OCA2: variants seen among roughly 807,000 people sequenced by gnomAD.
OCA2 encodes the protein OCA2 melanosomal transmembrane protein.
A neutral mutation model predicts 100.2 loss-of-function variants in OCA2; 77 were observed. The observed-to-expected ratio is 0.77, with a 90% CI of 0.64 to 0.93. The LOEUF is 0.93. OCA2 is among the 40% of genes least tolerant of loss of function. The pLI, the probability that OCA2 is intolerant of heterozygous loss-of-function variation, is 0.00. For missense variants in OCA2, 1,062 were observed against 1,089.1 expected, an observed-to-expected ratio of 0.98 and a Z score of 0.35; for synonymous variants, 432 against 439.2, an observed-to-expected ratio of 0.98 and a Z score of 0.21.
chr15:27,985,075 A>G lies in OCA2; in HGVS notation c.1353T>C (p.Pro451=). The stretch of plus-strand genomic sequence containing the variant: ...GGTGCTTTGCGTACCTTATGGTCAC[A>G]GGCGTGAAGAGGAGCATGGTGGTGA... ...DNVTTMLLFT[P]VTIRLCEVLN... is the part of the protein sequence containing the mutation. The change falls in exon 13 of 24, where the codon CCT becomes CCC. Residue 451 remains proline (P), a synonymous_variant. Coordinates refer to ENST00000354638, the MANE Select transcript of OCA2 (RefSeq NM_000275.3). The G allele has an allele frequency of 1.9e-6, 3 of 1,613,910 alleles. No homozygotes were observed. Among genetic ancestry groups the G allele is most frequent in the Non-Finnish European group, 2.5e-6 (3 of 1,179,892 alleles).
intron 10 of OCA2, 84 bp from the exon 11 acceptor site, chr15:27,989,750 A>G: frequency 8.1e-7 from 1 of 1,241,422 alleles, no homozygotes; most frequent in East Asian, 2.5e-5. Context: ...CCCCTGCTGC[A>G]GACCCACTCA....
intron 18 of OCA2, among the ~76,000 whole-genome samples, chr15:27,943,471 T>C (rs995641773): frequency 2.0e-5 from 3 of 152,018 alleles, no homozygotes; most frequent in African/African-American, 7.3e-5. Flanking sequence ...GTGGGGAAAA[T>C]CTATATTCTG....
intron 23 of OCA2, among the ~76,000 whole-genome samples, chr15:27,825,327 T>A (rs752938384): frequency 5.9e-5 from 9 of 152,096 alleles, no homozygotes; most frequent in Non-Finnish European, 8.8e-5. Context: ...ACAGTTTCCA[T>A]CCTGAAGGGC....
At chr15:27,732,575 G>A in the OCA2 span, among the ~76,000 whole-genome samples, 1 of 152,158 alleles carries the variant, frequency 6.6e-6, no homozygotes, top group Non-Finnish European at 1.5e-5. Context: ...GTGGAGGGTG[G>A]AGAGAGGGCA....
chr15:27,883,625 C>A lies in OCA2; in HGVS notation c.2080-11703G>T, dbSNP rs891558059. Among the ~76,000 whole-genome samples, 13 of 152,174 alleles carry A rather than the reference C, an allele frequency of 8.5e-5. No individual in the cohort carries two copies. In the East Asian group the frequency reaches 2.5e-3, roughly 29 times the overall value. On this transcript the variant is annotated intron_variant, in intron 19 of 23. Coordinates refer to ENST00000354638, the MANE Select transcript of OCA2 (RefSeq NM_000275.3). Reference sequence around the variant, plus strand: ...ACAACTCTGGATAAGGAGGAAAGGGCGCAGGGCTGCCTGCCTTCAGCCGGC... The same window carrying A: ...ACAACTCTGGATAAGGAGGAAAGGGAGCAGGGCTGCCTGCCTTCAGCCGGC...
intron 18 of OCA2, among the ~76,000 whole-genome samples, chr15:27,928,528 T>C (rs577644474): frequency 6.6e-6 from 1 of 152,298 alleles, no homozygotes; most frequent in South Asian, 2.1e-4. Flanking sequence ...AGCCACAGTG[T>C]TGGCAGGGCT....
At chr15:27,811,218 T>G (rs941200195) in intron 23 of OCA2, among the ~76,000 whole-genome samples, 11 of 152,154 alleles carry the variant, frequency 7.2e-5, no homozygotes, top group Admixed American at 4.6e-4. Flanking sequence ...TGCAGCTACT[T>G]GGATGGAGCT....
chr15:28,069,612 C>G (rs969966145), intron 2 of OCA2, among the ~76,000 whole-genome samples: 5 of 141,632 alleles, frequency 3.5e-5, no homozygotes, highest in Admixed American at 2.1e-4. Flanking sequence ...CTGTGTTGGC[C>G]GGGCCGGTCT....
At chr15:27,933,703 G>A (rs1237490032) in intron 18 of OCA2, among the ~76,000 whole-genome samples, 1 of 152,202 alleles carries the variant, frequency 6.6e-6, no homozygotes, top group Non-Finnish European at 1.5e-5. Flanking sequence ...AAGACTCATT[G>A]TCCAGAAGAA....
intron 15 of OCA2, among the ~76,000 whole-genome samples, chr15:27,962,022 CAAAA>C (rs1300009510): frequency 7.9e-5 from 12 of 151,340 alleles, no homozygotes; most frequent in Admixed American, 2.6e-4. Context: ...AATAATAAAA[CAAAA>C]TAAATCTATT....
Position 28,032,164 on chromosome 15 carries a change from C to G in OCA2, c.228-1G>C. 6.2e-7 allele frequency: 1 copy of G among 1,605,546 alleles called. No individual in the cohort carries two copies. The highest frequency in any genetic ancestry group is 8.5e-7 in the Non-Finnish European group (1 of 1,172,236). ...CATCTGGGGCAAAGAAGAGTGAGACCTGAAAGAGACAGGGTAGGAAACAGA... is the reference window on the plus strand; with the variant it reads ...CATCTGGGGCAAAGAAGAGTGAGACGTGAAAGAGACAGGGTAGGAAACAGA... On this transcript the variant is annotated splice_acceptor_variant, in intron 2 of 23. Transcript: ENST00000354638. LOFTEE classifies it high-confidence loss of function.
Position 27,792,814 on chromosome 15 carries a change from C to T in OCA2, c.2433-37342G>A, listed in dbSNP as rs796363165. ...GGCCCAATAAAACTTAGCTGAGTTC[C>T]GTCGACTTGAGACAAGGAGAGTCTG... On this transcript the variant is annotated intron_variant, in intron 23 of 23. Coordinates refer to ENST00000354638, the MANE Select transcript of OCA2 (RefSeq NM_000275.3). Among the ~76,000 whole-genome samples, 35 of 152,280 alleles carry T rather than the reference C, an allele frequency of 2.3e-4. 1 individual carries two copies. Among genetic ancestry groups the T allele is most frequent in the African/African-American group, 7.0e-4 (29 of 41,558 alleles).
At chr15:27,737,410 T>C in the OCA2 span, among the ~76,000 whole-genome samples, 1 of 152,336 alleles carries the variant, frequency 6.6e-6, no homozygotes, top group South Asian at 2.1e-4. Flanking sequence ...GGACACATCA[T>C]AAAACTGCAG....
chr15:27,955,729 G>A (rs1449654272), intron 16 of OCA2, among the ~76,000 whole-genome samples: 1 of 152,140 alleles, frequency 6.6e-6, no homozygotes, highest in Non-Finnish European at 1.5e-5. Context: ...GGGGGGCCGA[G>A]GGGGAAGGAT....
intron 15 of OCA2, among the ~76,000 whole-genome samples, chr15:27,963,761 G>T (rs938901723): frequency 6.6e-6 from 1 of 151,616 alleles, no homozygotes; most frequent in Non-Finnish European, 1.5e-5. Context: ...TAAATAAAGA[G>T]CACAATAGAC....
chr15:27,926,874 A>C (rs568994152), intron 18 of OCA2, among the ~76,000 whole-genome samples: 6 of 152,324 alleles, frequency 3.9e-5, no homozygotes, highest in Non-Finnish European at 5.9e-5. Flanking sequence ...TCAGACTCCC[A>C]AACTGCTGGG....
chr15:27,858,664 T>G (rs961146251), intron 21 of OCA2, among the ~76,000 whole-genome samples: 2 of 152,062 alleles, frequency 1.3e-5, no homozygotes, highest in Non-Finnish European at 2.9e-5. Flanking sequence ...ACAACAATTA[T>G]AAATATTTAC....
chr15:27,906,739 GAA>G (rs35392529), intron 19 of OCA2, among the ~76,000 whole-genome samples: 2 of 148,938 alleles, frequency 1.3e-5, no homozygotes, highest in Admixed American at 1.3e-4. Flanking sequence ...ATAAGTCAAT[GAA>G]AAAAAAAAGT....
chr15:27,887,556 C>A (rs1316681303), intron 19 of OCA2, among the ~76,000 whole-genome samples: 1 of 151,116 alleles, frequency 6.6e-6, no homozygotes, highest in Non-Finnish European at 1.5e-5. Flanking sequence ...CCAAGAGACA[C>A]CCAGGTCAAG....
Sources: gnomAD v4.1 joint callset for allele counts (sites outside exome capture counted in the v4.1 genomes callset) on GRCh38, gnomAD v4.1.1 for gene constraint, MANE v1.5 for transcripts, NCBI Gene and HGNC (gene_info 2026-07-23, HGNC 2026-07-21) for gene names.